The following CERS3 variants were observed in gnomAD, a reference collection of about 807,000 sequenced individuals.
CERS3 encodes the protein ceramide synthase 3.
Under a neutral mutation model 50.3 loss-of-function variants are expected in CERS3, and 33 were observed. The observed-to-expected ratio is 0.66, with a 90% CI of 0.50 to 0.88. The LOEUF (loss-of-function observed/expected upper bound fraction) is 0.88. Among genes scored for constraint, CERS3 ranks in the 40% least tolerant of loss-of-function variants. The probability of loss-of-function intolerance (pLI) is 0.00; values close to 1 mark genes in which losing one functional copy is unlikely to be tolerated. For missense variants in CERS3, 470 were observed against 460.3 expected (o/e 1.02, Z -0.19); for synonymous variants, 176 against 155.2 (o/e 1.13, Z -0.99).
rs143633157 is a variant in CERS3, at chr15:100,415,691, C to T, written c.1000-12826G>A. 5.2e-3 allele frequency among the ~76,000 whole-genome samples: 796 copies of T among 152,158 alleles called. 7 individuals are homozygous for T. The highest frequency in any genetic ancestry group is 0.018 in the African/African-American group (762 of 41,504). ...CATCCTCAGCAAACTAACACAGGAA[C>T]AGAAAACCAAACACTGCATGTTCTC... On this transcript the variant is annotated intron_variant, in intron 11 of 11. Coordinates refer to ENST00000679737, the MANE Select transcript of CERS3 (RefSeq NM_001378789.1).
intron 7 of CERS3, among the ~76,000 whole-genome samples, chr15:100,479,207 T>C (rs2035225632): frequency 6.6e-6 from 1 of 151,838 alleles, no homozygotes; most frequent in Non-Finnish European, 1.5e-5. Flanking sequence ...AATAGTAAGA[T>C]GGTAGATTTA....
intron 2 of CERS3, among the ~76,000 whole-genome samples, chr15:100,508,478 G>A (rs529730283): frequency 1.8e-4 from 28 of 152,314 alleles, no homozygotes; most frequent in African/African-American, 6.0e-4. Context: ...ATACTCAGAT[G>A]GAAAGGACAG....
chr15:100,418,305 G>A (rs1052858566), intron 11 of CERS3, among the ~76,000 whole-genome samples: 3 of 152,072 alleles, frequency 2.0e-5, no homozygotes, highest in African/African-American at 7.3e-5. Context: ...AGAAGCCGAT[G>A]CGATCAACTG....
chr15:100,473,976 G>A (rs1157607662), intron 8 of CERS3, among the ~76,000 whole-genome samples: 1 of 152,184 alleles, frequency 6.6e-6, no homozygotes, highest in East Asian at 1.9e-4. Context: ...ACTGATACAT[G>A]CCATAACATG....
At chr15:100,407,006 A>G (rs1400140062) in intron 11 of CERS3, among the ~76,000 whole-genome samples, 1 of 152,110 alleles carries the variant, frequency 6.6e-6, no homozygotes, top group Non-Finnish European at 1.5e-5. Flanking sequence ...AGACTTATTC[A>G]CTATTGCGAG....
At chr15:100,451,688 C>T (rs1052511429) in intron 11 of CERS3, among the ~76,000 whole-genome samples, 3 of 151,098 alleles carry the variant, frequency 2.0e-5, no homozygotes, top group African/African-American at 7.3e-5. Context: ...GCCCGGGTGA[C>T]AGAGCAAGAC....
At chr15:100,458,049 TA>T (rs1567631970) in intron 10 of CERS3, among the ~76,000 whole-genome samples, 1 of 152,196 alleles carries the variant, frequency 6.6e-6, no homozygotes, top group Non-Finnish European at 1.5e-5. Flanking sequence ...GATTGTATAT[TA>T]AAAGGTACTA....
intron 7 of CERS3, among the ~76,000 whole-genome samples, chr15:100,476,575 C>T (rs186208553): frequency 2.3e-4 from 35 of 152,272 alleles, no homozygotes; most frequent in African/African-American, 7.9e-4. Context: ...TACTCAAAAT[C>T]TGATGTCTTA....
intron 11 of CERS3, among the ~76,000 whole-genome samples, chr15:100,447,709 T>C (rs2033995995): frequency 6.6e-6 from 1 of 152,236 alleles, no homozygotes; most frequent in African/African-American, 2.4e-5. Context: ...AGTTAATTTC[T>C]CTTTTTAGCT....
chr15:100,476,712 G>C (rs1000394014), intron 7 of CERS3, among the ~76,000 whole-genome samples: 11 of 152,078 alleles, frequency 7.2e-5, no homozygotes, highest in Admixed American at 5.2e-4. Flanking sequence ...AATTTTCATA[G>C]CTAGAATTTT....
chr15:100,453,422 C>G (rs1170732969), intron 11 of CERS3, among the ~76,000 whole-genome samples: 1 of 152,108 alleles, frequency 6.6e-6, no homozygotes, highest in Non-Finnish European at 1.5e-5. Context: ...TCAATAGACG[C>G]AGAAAAAGCA....
chr15:100,507,373 T>C (rs543790239), intron 2 of CERS3, among the ~76,000 whole-genome samples: 6 of 152,180 alleles, frequency 3.9e-5, no homozygotes, highest in Non-Finnish European at 8.8e-5. Flanking sequence ...CAGCCTCATC[T>C]TTTCTCAAGA....
intron 3 of CERS3, among the ~76,000 whole-genome samples, chr15:100,500,011 A>C (rs1450522946): frequency 1.3e-5 from 2 of 152,354 alleles, no homozygotes; most frequent in East Asian, 3.9e-4. Context: ...TGTAGCTCTT[A>C]AACTATAAAC....
chr15:100,449,813 T>G (rs1020681400), intron 11 of CERS3, among the ~76,000 whole-genome samples: 6 of 150,368 alleles, frequency 4.0e-5, no homozygotes, highest in African/African-American at 1.5e-4. Context: ...GATATCAATT[T>G]AAGGACACGG....
intron 1 of CERS3, among the ~76,000 whole-genome samples, chr15:100,522,632 C>T (rs2036669995): frequency 6.6e-6 from 1 of 152,198 alleles, no homozygotes; most frequent in African/African-American, 2.4e-5. Context: ...TTGCATGTAA[C>T]AGTAGCAAAC....
intron 11 of CERS3, among the ~76,000 whole-genome samples, chr15:100,405,502 A>C (rs1410539465): frequency 6.6e-6 from 1 of 152,246 alleles, no homozygotes; most frequent in African/African-American, 2.4e-5. Flanking sequence ...AATGCTCCTA[A>C]CAATAAAAAG....
chr15:100,464,200 C>T (rs1321269287), intron 10 of CERS3, among the ~76,000 whole-genome samples: 1 of 152,132 alleles, frequency 6.6e-6, no homozygotes, highest in Admixed American at 6.5e-5. Context: ...AGTAAGGGAG[C>T]TAGGTATTTC....
chr15:100,514,249 A>T (rs2036431782), intron 2 of CERS3, among the ~76,000 whole-genome samples: 1 of 152,236 alleles, frequency 6.6e-6, no homozygotes, highest in Admixed American at 6.5e-5. Flanking sequence ...TCAAACTATT[A>T]AATACCATGA....
intron 11 of CERS3, among the ~76,000 whole-genome samples, chr15:100,407,703 T>A (rs1358270813): frequency 1.3e-5 from 2 of 152,246 alleles, no homozygotes; most frequent in Non-Finnish European, 2.9e-5. Flanking sequence ...TACTGGACAT[T>A]TATAGATTCT....
Sources: allele counts gnomAD v4.1 joint callset (sites outside exome capture counted in the v4.1 genomes callset), GRCh38; gene constraint gnomAD v4.1.1; transcripts MANE v1.5; gene names NCBI Gene and HGNC (gene_info 2026-07-23, HGNC 2026-07-21).